PCDH15: variants seen among roughly 807,000 people sequenced by gnomAD.
PCDH15 encodes the protein protocadherin-15.
In PCDH15, 129 loss-of-function variants were observed where a neutral mutation model predicts 178.5. That is an observed-to-expected ratio of 0.72 (90% CI 0.63 to 0.84). The LOEUF (loss-of-function observed/expected upper bound fraction) is 0.84, where lower values mean the gene tolerates loss of function less well. PCDH15 is among the 40% of genes least tolerant of loss of function. The probability of loss-of-function intolerance (pLI) is 0.00; values close to 1 mark genes in which losing one functional copy is unlikely to be tolerated. For missense variants in PCDH15, 2,230 were observed against 2,099.9 expected (o/e 1.06, Z -1.21); for synonymous variants, 800 against 732.0 (o/e 1.09, Z -1.50).
chr10:54,735,958 T>C (rs985500851), intron 1 of PCDH15, among the ~76,000 whole-genome samples: 25 of 147,644 alleles, frequency 1.7e-4, no homozygotes, highest in African/African-American at 6.0e-4. Context: ...ATGGCACATG[T>C]ATACATATGT....
At chr10:53,901,158 T>G (rs1280203663) in intron 26 of PCDH15, among the ~76,000 whole-genome samples, 3 of 107,934 alleles carry the variant, frequency 2.8e-5, no homozygotes, top group African/African-American at 8.2e-5. Context: ...AAGCTTAGTC[T>G]TCGTATTTTT....
At chr10:54,021,354 T>C (rs900592160) in intron 19 of PCDH15, among the ~76,000 whole-genome samples, 1 of 151,920 alleles carries the variant, frequency 6.6e-6, no homozygotes, top group Non-Finnish European at 1.5e-5. Flanking sequence ...TCAGCCTTGG[T>C]CTCCTCCAAT....
intron 3 of PCDH15, among the ~76,000 whole-genome samples, chr10:54,833,101 C>G (rs1263275920): frequency 6.6e-6 from 1 of 152,112 alleles, no homozygotes; most frequent in African/African-American, 2.4e-5. Context: ...AATTCCATCA[C>G]ATACGTTATC....
chr10:55,412,756 G>A (rs1024211847), intron 2 of PCDH15, among the ~76,000 whole-genome samples: 2 of 151,556 alleles, frequency 1.3e-5, no homozygotes, highest in African/African-American at 4.8e-5. Context: ...AGAATAATAC[G>A]AGATGTTCCT....
intron 16 of PCDH15, among the ~76,000 whole-genome samples, chr10:54,088,095 A>C (rs1049710246): frequency 6.6e-6 from 1 of 152,158 alleles, no homozygotes; most frequent in Admixed American, 6.6e-5. Flanking sequence ...TTTCATTACA[A>C]AATACTCAGT....
chr10:54,862,160 A>G (rs1953855366), intron 3 of PCDH15, among the ~76,000 whole-genome samples: 1 of 152,194 alleles, frequency 6.6e-6, no homozygotes, highest in South Asian at 2.1e-4. Context: ...ACCTTTTTGT[A>G]GGAATATAAG....
In PCDH15 at chr10:53,922,475, G is replaced by T. The variant is rs940260627; in HGVS notation, c.3373+16340C>A. Among the ~76,000 whole-genome samples the T allele has an allele frequency of 2.0e-5, 3 of 152,002 alleles. No individual in the cohort carries two copies. The South Asian group carries it at 6.2e-4, about 31-fold the overall frequency. On this transcript the variant is annotated intron_variant, in intron 25 of 37. Coordinates refer to ENST00000644397, the MANE Select transcript of PCDH15 (RefSeq NM_001384140.1). ...GAGAAGTTTGTAAAGATCAGAACTG[G>T]GTATGGAATTCAGGCCTGTCTGATA...
At chr10:54,447,888 A>G (rs2136245063) in intron 3 of PCDH15, among the ~76,000 whole-genome samples, 1 of 151,790 alleles carries the variant, frequency 6.6e-6, no homozygotes, top group South Asian at 2.1e-4. Context: ...CAAAACCACT[A>G]TTATCTGTGA....
At chr10:54,157,739 G>A (rs781175763) in intron 13 of PCDH15, among the ~76,000 whole-genome samples, 5 of 152,074 alleles carry the variant, frequency 3.3e-5, no homozygotes, top group South Asian at 2.1e-4. Context: ...AAACTTTTAT[G>A]TTCTGTTTCC....
chr10:53,858,618 T>C (rs1468011180), intron 27 of PCDH15, among the ~76,000 whole-genome samples: 2 of 152,192 alleles, frequency 1.3e-5, no homozygotes, highest in African/African-American at 4.8e-5. Context: ...ATCAATCATG[T>C]CTGAAGACTG....
intron 1 of PCDH15, among the ~76,000 whole-genome samples, chr10:55,275,781 T>G (rs1222047704): frequency 1.3e-5 from 2 of 151,490 alleles, no homozygotes; most frequent in Non-Finnish European, 2.9e-5. Context: ...AATCAGGTTG[T>G]CAAAATCCAT....
chr10:55,356,195 T>TA (rs1168462010), intron 2 of PCDH15, among the ~76,000 whole-genome samples: 35 of 146,340 alleles, frequency 2.4e-4, no homozygotes, highest in African/African-American at 7.3e-4. Flanking sequence ...CCTAGTATTA[T>TA]AAAAAAATTG....
At chr10:54,842,178 G>A (rs940819162) in intron 3 of PCDH15, among the ~76,000 whole-genome samples, 1 of 9,556 alleles carries the variant, frequency 1.0e-4, no homozygotes, top group Non-Finnish European at 2.5e-4. Context: ...GTGTGTGTAT[G>A]TGTGCGTGTG....
At chr10:55,491,794 GCAGAA>G (rs1336545986) in intron 2 of PCDH15, among the ~76,000 whole-genome samples, 1 of 151,468 alleles carries the variant, frequency 6.6e-6, no homozygotes, top group Non-Finnish European at 1.5e-5. Flanking sequence ...AGCAAATATG[GCAGAA>G]CAGCCTGTTT....
intron 1 of PCDH15, among the ~76,000 whole-genome samples, chr10:55,169,245 T>A (rs1413646233): frequency 6.6e-6 from 1 of 152,200 alleles, no homozygotes; most frequent in Non-Finnish European, 1.5e-5. Context: ...CCTAAACTAG[T>A]ATTAAAATGT....
At chr10:54,702,552 A>AAAC (rs1037528646) in intron 1 of PCDH15, among the ~76,000 whole-genome samples, 7 of 151,330 alleles carry the variant, frequency 4.6e-5, no homozygotes, top group Non-Finnish European at 7.4e-5. Context: ...ACAAAAAAAA[A>AAAC]AAAAAACCTT....
At chr10:55,336,349 T>A (rs1460087983) in intron 2 of PCDH15, among the ~76,000 whole-genome samples, 1 of 151,684 alleles carries the variant, frequency 6.6e-6, no homozygotes, top group Non-Finnish European at 1.5e-5. Context: ...AATACAAAAA[T>A]TACCTGGGCA....
chr10:54,465,666 A>G (rs996221151), intron 3 of PCDH15, among the ~76,000 whole-genome samples: 2 of 151,992 alleles, frequency 1.3e-5, no homozygotes, highest in Non-Finnish European at 2.9e-5. Flanking sequence ...AGTTGATTCC[A>G]TATCTCTGTT....
At chr10:53,827,258 AT>A in intron 32 of PCDH15, 134 bp downstream of exon 32, 1 of 1,279,740 alleles carries the variant, frequency 7.8e-7, no homozygotes. Flanking sequence ...GTCTTAACAA[AT>A]TTTCTCTTGA....
Sources: allele counts gnomAD v4.1 joint callset (sites outside exome capture counted in the v4.1 genomes callset), GRCh38; gene constraint gnomAD v4.1.1; transcripts MANE v1.5; gene names NCBI Gene and HGNC (gene_info 2026-07-23, HGNC 2026-07-21).